Variants in OPTN observed in about 807,000 individuals in gnomAD.
The protein encoded by OPTN is optineurin.
OPTN carries 54 observed loss-of-function variants against 70.4 expected under a neutral mutation model. The ratio of observed to expected loss-of-function variants is 0.77; its 90% CI spans 0.62 to 0.96. The LOEUF is 0.96. Ranked by LOEUF, OPTN falls within the 40% of genes least tolerant of loss-of-function variation. The pLI is 0.00. For synonymous variants in OPTN, 256 were observed against 248.5 expected (o/e 1.03, Z -0.28); for missense variants, 624 against 673.2 (o/e 0.93, Z 0.81).
rs576171120 is a variant in OPTN at position 13,114,344 on chromosome 10, A to C, written c.552+1709A>C. 2.6e-5 allele frequency among the ~76,000 whole-genome samples: 4 copies of C among 152,272 alleles called. No individual in the cohort carries two copies. The South Asian group carries it at 8.3e-4, about 32-fold the overall frequency. ...TGTCAATTGAAAAGCGTATTTTGCC[A>C]GAGTACCCCTTCTGCAAGTGATCGA... On this transcript the variant is annotated intron_variant, in intron 5 of 14. Coordinates refer to ENST00000378747, the MANE Select transcript of OPTN (RefSeq NM_001008212.2).
intron 1 of OPTN, among the ~76,000 whole-genome samples, chr10:13,102,847 G>A (rs1832779648): frequency 6.6e-6 from 1 of 152,142 alleles, no homozygotes; most frequent in African/African-American, 2.4e-5. Flanking sequence ...GGAGGCTGAG[G>A]TGGGAGAATT....
chr10:13,116,510 A>G, intron 6 of OPTN, 170 bp downstream of exon 6: 1 of 680,796 alleles, frequency 1.5e-6, no homozygotes, highest in South Asian at 1.5e-5. Flanking sequence ...TTGCAGCTCA[A>G]ACTGGCAAAG....
chr10:13,107,039 A>G (rs944300987), intron 1 of OPTN, among the ~76,000 whole-genome samples: 1 of 152,252 alleles, frequency 6.6e-6, no homozygotes, highest in South Asian at 2.1e-4. Context: ...TATAGTGTAC[A>G]TTGGTGCTTA....
At chr10:13,104,891 C>T (rs182785881) in intron 1 of OPTN, 17 of 283,692 alleles carry the variant, frequency 6.0e-5, no homozygotes, top group South Asian at 3.7e-4. Context: ...ACCGCAGGAC[C>T]GGGAGGCGAG....
intron 3 of OPTN, chr10:13,109,559 C>T (rs1832947475): frequency 2.4e-6 from 1 of 417,606 alleles, no homozygotes; most frequent in African/African-American, 2.0e-5. Context: ...GGCGTGGTGG[C>T]TCATGCCTGT....
At chr10:13,131,441 G>C (rs779242869) in intron 12 of OPTN, 3 of 153,484 alleles carry the variant, frequency 2.0e-5, no homozygotes, top group Non-Finnish European at 2.9e-5. Context: ...ATTGAATATG[G>C]AAAAGTTCAT....
intron 1 of OPTN, among the ~76,000 whole-genome samples, chr10:13,102,849 G>A (rs1832779708): frequency 6.6e-6 from 1 of 152,004 alleles, no homozygotes; most frequent in African/African-American, 2.4e-5. Flanking sequence ...AGGCTGAGGT[G>A]GGAGAATTGC....
chr10:13,110,574 TG>T, intron 4 of OPTN, 98 bp downstream of exon 4: 1 of 1,202,394 alleles, frequency 8.3e-7, no homozygotes, highest in Non-Finnish European at 1.2e-6. Flanking sequence ...AAACCTTTCA[TG>T]GTTCAGTCTG....
In OPTN at chr10:13,124,053, A is replaced by T. The variant is rs142812715; in HGVS notation, c.941A>T (p.Gln314Leu). The T allele has an allele frequency of 1.0e-4, 169 of 1,613,880 alleles. 1 individual carries two copies. Among genetic ancestry groups the T allele is most frequent in the Middle Eastern group, 8.2e-4 (5 of 6,082 alleles). ...GTGACATCTCTGTTTAAGGAGCTTCAAGAGGCTCATACAAAACTCAGCGAA... is the reference window on the plus strand; with the variant it reads ...GTGACATCTCTGTTTAAGGAGCTTCTAGAGGCTCATACAAAACTCAGCGAA... ...LQVTSLFKEL[Q>L]EAHTKLSEAE... Residue 314 changes from glutamine (Q) to leucine (L), a missense_variant, in exon 9 of 15, where the codon CAA becomes CTA. Coordinates refer to ENST00000378747, the MANE Select transcript of OPTN (RefSeq NM_001008212.2).
In OPTN at chr10:13,109,112, G is replaced by A. The variant is rs1385260022; in HGVS notation, c.-11G>A. ...TTTTCAACAGGTGACTTTTCCACAG[G>A]AACTTCTGCAATGTCCCATCAACCT... On this transcript the variant is annotated splice_region_variant and 5_prime_UTR_variant, in exon 3 of 15. Transcript: ENST00000378747. The A allele has an allele frequency of 8.7e-6, 14 of 1,613,830 alleles. No individual in the cohort carries two copies. The highest frequency in any genetic ancestry group is 1.2e-5 in the Non-Finnish European group (14 of 1,179,964).
Position 13,137,597 on chromosome 10 carries a change from G to T in OPTN, c.*731G>T, listed in dbSNP as rs920364972. 3.9e-5 allele frequency: 9 copies of T among 230,800 alleles called. No individual in the cohort carries two copies. The highest frequency in any genetic ancestry group is 2.0e-4 in the African/African-American group (9 of 45,206). 14.3% of individuals were successfully genotyped at this position (230,800 alleles called of 1,614,324 possible). A position where few individuals can be genotyped will look rare whatever the true frequency, so the allele number is the denominator to read the frequency against. On this transcript the variant is annotated 3_prime_UTR_variant, in exon 15 of 15. Transcript: ENST00000378747. ...GGCCACAGTATGTGCTGTTTTTGAA[G>T]CATTTTTAAAAACGAATTGTAGTTG...
intron 5 of OPTN, among the ~76,000 whole-genome samples, chr10:13,114,141 G>A (rs952037950): frequency 2.0e-5 from 3 of 152,038 alleles, no homozygotes; most frequent in Non-Finnish European, 4.4e-5. Context: ...GATAAGTCAG[G>A]AGGAGTGGGG....
chr10:13,104,945 G>A (rs565133386), intron 1 of OPTN, among the ~76,000 whole-genome samples: 4 of 151,322 alleles, frequency 2.6e-5, no homozygotes, highest in African/African-American at 4.9e-5. Flanking sequence ...TAACTACGCC[G>A]ACGTGCGAGC....
intron 7 of OPTN, among the ~76,000 whole-genome samples, chr10:13,122,130 C>T (rs1833364612): frequency 6.6e-6 from 1 of 152,182 alleles, no homozygotes; most frequent in Admixed American, 6.5e-5. Context: ...AGGACAGTTG[C>T]ATGGAAACAA....
chr10:13,133,192 CTT>C (rs1192202438), intron 13 of OPTN, among the ~76,000 whole-genome samples: 1 of 152,170 alleles, frequency 6.6e-6, no homozygotes, highest in Non-Finnish European at 1.5e-5. Flanking sequence ...TTTGAGCTCT[CTT>C]GATATGTGCG....
intron 5 of OPTN, among the ~76,000 whole-genome samples, chr10:13,115,257 ATC>A (rs1276808612): frequency 5.6e-5 from 6 of 107,330 alleles, no homozygotes; most frequent in African/African-American, 1.5e-4. Flanking sequence ...CTATATTTAT[ATC>A]TATATTTATA....
At chr10:13,107,554 A>AT (rs980911343) in intron 1 of OPTN, among the ~76,000 whole-genome samples, 14 of 150,228 alleles carry the variant, frequency 9.3e-5, no homozygotes, top group East Asian at 2.0e-4. Flanking sequence ...AATTTTTTGT[A>AT]TTTTTTTTAT....
intron 5 of OPTN, among the ~76,000 whole-genome samples, chr10:13,114,073 T>TA (rs1318620734): frequency 6.9e-5 from 10 of 145,222 alleles, no homozygotes; most frequent in South Asian, 2.2e-4. Context: ...TCTTTAAATT[T>TA]AAAAAAAAAA....
chr10:13,110,503 T>A (rs745448084), intron 4 of OPTN, 27 bp downstream of exon 4: 1 of 1,506,922 alleles, frequency 6.6e-7, no homozygotes, highest in East Asian at 2.4e-5. Flanking sequence ...ATTGTGATGT[T>A]GTTTTTTTTT....
Sources: allele counts gnomAD v4.1 joint callset (sites outside exome capture counted in the v4.1 genomes callset), GRCh38; gene constraint gnomAD v4.1.1; transcripts MANE v1.5; gene names NCBI Gene and HGNC (gene_info 2026-07-23, HGNC 2026-07-21).